Variants in TJP2 observed in about 807,000 individuals in gnomAD.
The protein encoded by TJP2 is tight junction protein 2.
Under a neutral mutation model 133.1 loss-of-function variants are expected in TJP2, and 91 were observed. The observed-to-expected ratio is 0.68, with a 90% confidence interval of 0.58 to 0.81. The LOEUF is 0.81. TJP2 is among the 40% of genes least tolerant of loss of function. The pLI, the probability that TJP2 is intolerant of heterozygous loss-of-function variation, is 0.00. For synonymous variants in TJP2, 592 were observed against 583.4 expected, an observed-to-expected ratio of 1.01 and a Z score of -0.21; for missense variants, 1,541 against 1,565.6, an observed-to-expected ratio of 0.98 and a Z score of 0.26.
At chr9:69,139,198 T>TA (rs1235423463) in intron 1 of TJP2, among the ~76,000 whole-genome samples, 2 of 151,952 alleles carry the variant, frequency 1.3e-5, no homozygotes, top group Non-Finnish European at 2.9e-5. Context: ...GCCTGGGTGA[T>TA]AGAGTGAGAC....
intron 1 of TJP2, among the ~76,000 whole-genome samples, chr9:69,194,929 A>T (rs1193632018): frequency 1.3e-5 from 2 of 152,198 alleles, no homozygotes; most frequent in African/African-American, 4.8e-5. Context: ...AGGACTCCGT[A>T]TGTAGGCTCA....
upstream of TJP2, chr9:69,174,044 G>A: frequency 9.4e-7 from 1 of 1,060,758 alleles, no homozygotes; most frequent in Non-Finnish European, 1.1e-6. Context: ...CCCCGGCCAG[G>A]AGTCGCGCGT....
upstream of TJP2, among the ~76,000 whole-genome samples, chr9:69,170,169 T>C (rs975290871): frequency 2.4e-4 from 37 of 152,250 alleles, no homozygotes; most frequent in African/African-American, 8.7e-4. Context: ...TTCAGAGACC[T>C]TATATATTGT....
chr9:69,210,124 C>A (rs1470550491), intron 1 of TJP2, among the ~76,000 whole-genome samples: 1 of 150,742 alleles, frequency 6.6e-6, no homozygotes, highest in East Asian at 2.0e-4. Flanking sequence ...GTGTCTCTAC[C>A]AAAAATACAA....
chr9:69,210,742 C>CTTT (rs200516626), intron 1 of TJP2, among the ~76,000 whole-genome samples: 7 of 117,856 alleles, frequency 5.9e-5, no homozygotes, highest in African/African-American at 9.5e-5. Context: ...ATTTTGAGTT[C>CTTT]TTTTTTTTTT....
intron 2 of TJP2, among the ~76,000 whole-genome samples, chr9:69,156,820 A>G (rs1455703037): frequency 6.6e-6 from 1 of 152,118 alleles, no homozygotes; most frequent in East Asian, 1.9e-4. Context: ...CGCCCGGCCA[A>G]TACATGTAAG....
At chr9:69,179,464 A>T (rs974182053) in intron 1 of TJP2, among the ~76,000 whole-genome samples, 10 of 151,624 alleles carry the variant, frequency 6.6e-5, no homozygotes, top group African/African-American at 1.7e-4. Flanking sequence ...ATGGGGGTGC[A>T]GTAACAGCGG....
chr9:69,241,987 C>T (rs868442445), intron 17 of TJP2, among the ~76,000 whole-genome samples: 41 of 152,320 alleles, frequency 2.7e-4, no homozygotes, highest in African/African-American at 9.1e-4. Flanking sequence ...TTCCCCCCTG[C>T]TTTTGTCTGA....
intron 1 of TJP2, among the ~76,000 whole-genome samples, chr9:69,175,436 C>G (rs1040541309): frequency 1.3e-5 from 2 of 152,200 alleles, no homozygotes; most frequent in Non-Finnish European, 2.9e-5. Flanking sequence ...CCACCTTTGC[C>G]AGCGTAATTC....
chr9:69,253,044 C>G, intron 22 of TJP2, 144 bp downstream of exon 22: 1 of 721,666 alleles, frequency 1.4e-6, no homozygotes, highest in Non-Finnish European at 2.4e-6. Context: ...CTCATTCCAT[C>G]AAATTTAATT....
At chr9:69,181,389 C>T (rs1375738734) in intron 1 of TJP2, among the ~76,000 whole-genome samples, 1 of 151,786 alleles carries the variant, frequency 6.6e-6, no homozygotes, top group Non-Finnish European at 1.5e-5. Flanking sequence ...GCTGGGATTA[C>T]AGGCACACGC....
chr9:69,181,124 A>C (rs1825465137), intron 1 of TJP2, among the ~76,000 whole-genome samples: 1 of 151,944 alleles, frequency 6.6e-6, no homozygotes, highest in Admixed American at 6.6e-5. Flanking sequence ...AATTTTGTCC[A>C]AAAAAAATTA....
intron 1 of TJP2, among the ~76,000 whole-genome samples, chr9:69,195,534 C>G (rs1184408952): frequency 6.6e-6 from 1 of 151,984 alleles, no homozygotes; most frequent in African/African-American, 2.4e-5. Flanking sequence ...TCCTTGAGAT[C>G]TCAGGCCTTC....
chr9:69,196,927 A>G (rs866367244), intron 1 of TJP2, among the ~76,000 whole-genome samples: 18 of 144,048 alleles, frequency 1.2e-4, no homozygotes, highest in African/African-American at 4.7e-4. Flanking sequence ...TTATATATAT[A>G]TGTGTGTGTG....
intron 11 of TJP2, 39 bp from the exon 12 acceptor site, chr9:69,234,394 CTTTCTT>C: frequency 9.2e-5 from 119 of 1,293,050 alleles, no homozygotes; most frequent in Non-Finnish European, 1.0e-4. Context: ...TTCTTTCTTT[CTTTCTT>C]TTTTTTTTTT....
intron 1 of TJP2, among the ~76,000 whole-genome samples, chr9:69,178,224 G>C (rs554158708): frequency 6.6e-6 from 1 of 152,194 alleles, no homozygotes; most frequent in Admixed American, 6.5e-5. Flanking sequence ...CCAAAGTCTG[G>C]TATACAGACA....
intron 1 of TJP2, among the ~76,000 whole-genome samples, chr9:69,179,511 CTTTT>C (rs563179558): frequency 7.2e-6 from 1 of 139,110 alleles, no homozygotes; most frequent in Admixed American, 7.2e-5. Context: ...CTTTTTCTTT[CTTTT>C]TTTTTTTTTT....
chr9:69,180,628 A>G (rs1360869854), intron 1 of TJP2, among the ~76,000 whole-genome samples: 1 of 152,232 alleles, frequency 6.6e-6, no homozygotes. Flanking sequence ...TCGAGAGACA[A>G]TCATTCTGCT....
rs141870324 is a variant in TJP2, at chr9:69,146,306, T to C, written c.-130-5345T>C. On this transcript the variant is annotated intron_variant, in intron 1 of 5. Coordinates refer to the TJP2 transcript ENST00000423935. The stretch of plus-strand genomic sequence containing the variant: ...ACTGATTTACCATGATGAAGAAAGG[T>C]TGAGAAGTTCTTTATGCATAGCTAC... 2.5e-3 allele frequency among the ~76,000 whole-genome samples: 384 copies of C among 152,332 alleles called. 2 individuals carry two copies. The highest frequency in any genetic ancestry group is 7.9e-3 in the African/African-American group (328 of 41,582).
Sources: gnomAD v4.1 joint callset for allele counts (sites outside exome capture counted in the v4.1 genomes callset) on GRCh38, gnomAD v4.1.1 for gene constraint, MANE v1.5 for transcripts, NCBI Gene and HGNC (gene_info 2026-07-23, HGNC 2026-07-21) for gene names.